The following MAPRE2 variants were observed in gnomAD, a reference collection of about 807,000 sequenced individuals.
MAPRE2 encodes the protein microtubule associated protein RP/EB family member 2.
MAPRE2 carries 13 observed loss-of-function variants against 43.2 expected under a neutral mutation model. That is an observed-to-expected ratio of 0.30 (90% confidence interval 0.20 to 0.48). The LOEUF (loss-of-function observed/expected upper bound fraction) is 0.48, where lower values mean the gene tolerates loss of function less well. MAPRE2 is among the 20% of genes least tolerant of loss of function. The pLI is 0.99. For missense variants in MAPRE2, 161 were observed against 400.2 expected (o/e 0.40, Z 5.10); for synonymous variants, 135 against 148.8 (o/e 0.91, Z 0.68).
At chr18:35,123,424 G>C (rs1290785427) in intron 4 of MAPRE2, among the ~76,000 whole-genome samples, 5 of 152,164 alleles carry the variant, frequency 3.3e-5, no homozygotes, top group African/African-American at 7.2e-5. Flanking sequence ...TGCCAGGGTG[G>C]GTGGGTCGTC....
chr18:35,054,889 C>T (rs567477713), intron 1 of MAPRE2, among the ~76,000 whole-genome samples: 1 of 152,176 alleles, frequency 6.6e-6, no homozygotes, highest in South Asian at 2.1e-4. Flanking sequence ...AATGAAGTGA[C>T]CGTCAGTTCT....
chr18:35,006,856 G>A (rs145831447), intron 2 of MAPRE2, among the ~76,000 whole-genome samples: 1 of 152,148 alleles, frequency 6.6e-6, no homozygotes, highest in African/African-American at 2.4e-5. Flanking sequence ...CCAGCTACTC[G>A]GGTGGCTGAG....
intron 4 of MAPRE2, among the ~76,000 whole-genome samples, chr18:35,119,343 C>G (rs772314334): frequency 2.6e-5 from 4 of 152,222 alleles, no homozygotes; most frequent in Non-Finnish European, 5.9e-5. Flanking sequence ...TACCCACCCG[C>G]AGCCCAGCTC....
chr18:35,126,909 A>T (rs1603403765), intron 4 of MAPRE2, 39 bp from the exon 5 acceptor site: 1 of 1,592,460 alleles, frequency 6.3e-7, no homozygotes, highest in Non-Finnish European at 8.6e-7. Context: ...CACACTTTTA[A>T]TATTGCCAGT....
At chr18:35,033,573 G>A (rs554465171) in intron 2 of MAPRE2, among the ~76,000 whole-genome samples, 99 of 151,782 alleles carry the variant, frequency 6.5e-4, no homozygotes, top group African/African-American at 2.3e-3. Flanking sequence ...AAGTCAAATT[G>A]TCCCTGTTTG....
Position 35,008,557 on chromosome 18 carries a change from A to G in MAPRE2, c.-8+3004A>G, listed in dbSNP as rs76843166. ...ACAGCATCTTTTACTTTCATGGGTC[A>G]TCAGAACTATTATTGGAATTGCAGT... On this transcript the variant is annotated intron_variant, in intron 2 of 7. Coordinates refer to the MAPRE2 transcript ENST00000413393. 8.6e-3 allele frequency among the ~76,000 whole-genome samples: 1,316 copies of G among 152,324 alleles called. 9 individuals are homozygous for G. Among genetic ancestry groups the G allele is most frequent in the Middle Eastern group, 0.017 (5 of 294 alleles).
intron 2 of MAPRE2, among the ~76,000 whole-genome samples, chr18:35,033,075 AC>A (rs573387437): frequency 1.1e-3 from 162 of 152,262 alleles, no homozygotes; most frequent in African/African-American, 3.7e-3. Flanking sequence ...AGAATTTTAG[AC>A]CAATATCCTT....
At chr18:35,030,404 C>T (rs1263094622) in intron 2 of MAPRE2, among the ~76,000 whole-genome samples, 2 of 152,164 alleles carry the variant, frequency 1.3e-5, no homozygotes, top group African/African-American at 2.4e-5. Context: ...TTAATCAGAC[C>T]TTAGTGGAAG....
At chr18:35,129,064 G>T (rs1342294655) in intron 5 of MAPRE2, among the ~76,000 whole-genome samples, 2 of 152,268 alleles carry the variant, frequency 1.3e-5, no homozygotes, top group South Asian at 2.1e-4. Context: ...GGCCAGTGCC[G>T]CCTTCCTGTT....
intron 2 of MAPRE2, among the ~76,000 whole-genome samples, chr18:35,022,219 C>T (rs77852786): frequency 0.018 from 2,755 of 152,148 alleles, 80 homozygotes; most frequent in African/African-American, 0.062. Context: ...AACATAACAT[C>T]TAAAAATCTA....
intron 1 of MAPRE2, among the ~76,000 whole-genome samples, chr18:35,063,965 T>C (rs1906689058): frequency 8.2e-6 from 1 of 122,092 alleles, no homozygotes. Flanking sequence ...ACCACTGCAC[T>C]CCAGCCTGGA....
intron 5 of MAPRE2, among the ~76,000 whole-genome samples, chr18:35,131,432 G>A (rs552596230): frequency 6.6e-6 from 1 of 152,166 alleles, no homozygotes; most frequent in African/African-American, 2.4e-5. Context: ...TGGAGACTGG[G>A]ATGTCCAAGA....
At chr18:35,119,015 C>A (rs1206966127) in intron 4 of MAPRE2, among the ~76,000 whole-genome samples, 2 of 152,130 alleles carry the variant, frequency 1.3e-5, no homozygotes. Context: ...CTGCAGGGAA[C>A]CTGGAAGTTG....
intron 1 of MAPRE2, among the ~76,000 whole-genome samples, chr18:35,004,303 G>A (rs993487853): frequency 1.3e-5 from 2 of 152,100 alleles, no homozygotes; most frequent in South Asian, 2.1e-4. Flanking sequence ...TTTACACAAT[G>A]ATTTTAAGCT....
At chr18:34,989,110 T>A (rs977825776) in intron 1 of MAPRE2, among the ~76,000 whole-genome samples, 2 of 152,120 alleles carry the variant, frequency 1.3e-5, no homozygotes, top group African/African-American at 4.8e-5. Flanking sequence ...AAACATAAGT[T>A]CATTAGTGAG....
intron 1 of MAPRE2, among the ~76,000 whole-genome samples, chr18:35,057,507 C>CGTGCGT (rs369602242): frequency 4.0e-5 from 6 of 149,406 alleles, no homozygotes; most frequent in African/African-American, 7.4e-5. Flanking sequence ...GGAGTGTGTG[C>CGTGCGT]GTGTGTGTGT....
intron 1 of MAPRE2, among the ~76,000 whole-genome samples, chr18:34,982,232 G>A (rs973337567): frequency 6.6e-6 from 1 of 152,102 alleles, no homozygotes; most frequent in African/African-American, 2.4e-5. Flanking sequence ...CCCCAAACAT[G>A]TTGAGCCATC....
chr18:35,084,283 T>A (rs990834140), intron 2 of MAPRE2, among the ~76,000 whole-genome samples: 7 of 151,988 alleles, frequency 4.6e-5, no homozygotes, highest in South Asian at 2.1e-4. Flanking sequence ...CAAAAAAAAA[T>A]AATAAATAAA....
At chr18:35,043,453 T>C (rs1905465600) in intron 1 of MAPRE2, among the ~76,000 whole-genome samples, 1 of 152,172 alleles carries the variant, frequency 6.6e-6, no homozygotes, top group Non-Finnish European at 1.5e-5. Flanking sequence ...GGAAAATCAT[T>C]TGACAGAAAG....
Sources: gnomAD v4.1 joint callset for allele counts (sites outside exome capture counted in the v4.1 genomes callset) on GRCh38, gnomAD v4.1.1 for gene constraint, MANE v1.5 for transcripts, NCBI Gene and HGNC (gene_info 2026-07-23, HGNC 2026-07-21) for gene names.